Variants in WWOX observed in about 807,000 individuals in gnomAD.
WWOX encodes the protein WW domain-containing oxidoreductase.
Under a neutral mutation model 46.2 loss-of-function variants are expected in WWOX, and 69 were observed. The observed-to-expected ratio is 1.49, with a 90% CI of 1.23 to 1.82. WWOX has a LOEUF of 1.82. Ranked by LOEUF, WWOX falls within the 40% of genes most tolerant of loss-of-function variation. WWOX has a pLI of 0.00. For missense variants in WWOX, 919 were observed against 542.6 expected, an observed-to-expected ratio of 1.69 and a Z score of -6.89; for synonymous variants, 359 against 202.6, an observed-to-expected ratio of 1.77 and a Z score of -6.56.
At chr16:78,860,690 G>A (rs777803383) in intron 8 of WWOX, among the ~76,000 whole-genome samples, 31 of 152,332 alleles carry the variant, frequency 2.0e-4, no homozygotes, top group African/African-American at 5.8e-4. Flanking sequence ...TGTTCTTCCT[G>A]TTAGCAGTGC....
intron 8 of WWOX, among the ~76,000 whole-genome samples, chr16:78,670,874 G>C (rs181382389): frequency 2.6e-4 from 39 of 152,048 alleles, no homozygotes; most frequent in Admixed American, 4.6e-4. Flanking sequence ...GATCGTACTG[G>C]TTTAGGGTGG....
At chr16:78,480,973 A>G (rs1158637844) in intron 8 of WWOX, among the ~76,000 whole-genome samples, 3 of 152,228 alleles carry the variant, frequency 2.0e-5, no homozygotes, top group Non-Finnish European at 2.9e-5. Flanking sequence ...AAAGAGCAGG[A>G]TTGGTACTTC....
rs1308712753 is a variant in WWOX at position 78,287,789 on chromosome 16, A to C, written c.517-99071A>C. Among the ~76,000 whole-genome samples the C allele has an allele frequency of 2.6e-5, 4 of 152,128 alleles. No homozygotes were observed. The South Asian group carries it at 8.3e-4, about 32-fold the overall frequency. On this transcript the variant is annotated intron_variant, in intron 5 of 8. Coordinates refer to ENST00000566780, the MANE Select transcript of WWOX (RefSeq NM_016373.4). ...CACTAGGCTTCTAATTTTTTTTCCT[A>C]AACTTAAAAAAATTTTTTTAAGATC...
chr16:78,357,285 T>C (rs1158517506), intron 5 of WWOX, among the ~76,000 whole-genome samples: 1 of 152,166 alleles, frequency 6.6e-6, no homozygotes, highest in Non-Finnish European at 1.5e-5. Context: ...CTAGGTTCTG[T>C]TGAGACCTGA....
At chr16:78,513,536 T>A (rs529307298) in intron 8 of WWOX, among the ~76,000 whole-genome samples, 1 of 152,310 alleles carries the variant, frequency 6.6e-6, no homozygotes, top group East Asian at 1.9e-4. Context: ...CCACCTTGGG[T>A]TCAATTCAAC....
chr16:79,075,861 T>C (rs1010116721), intron 8 of WWOX, among the ~76,000 whole-genome samples: 44 of 152,302 alleles, frequency 2.9e-4, no homozygotes, highest in Middle Eastern at 3.4e-3. Context: ...AAAAAACATA[T>C]TAAGTTATTT....
At chr16:78,162,631 C>T (rs746750659) in intron 4 of WWOX, among the ~76,000 whole-genome samples, 9 of 151,872 alleles carry the variant, frequency 5.9e-5, no homozygotes, top group Non-Finnish European at 1.2e-4. Flanking sequence ...TTTTTTTGGC[C>T]GTGTATGCGT....
At chr16:78,847,930 C>G (rs563183054) in intron 8 of WWOX, among the ~76,000 whole-genome samples, 2 of 152,264 alleles carry the variant, frequency 1.3e-5, no homozygotes, top group East Asian at 3.9e-4. Flanking sequence ...AACCCTGTGA[C>G]CACTGCACGA....
At chr16:78,478,375 T>C (rs933334093) in intron 8 of WWOX, among the ~76,000 whole-genome samples, 3 of 152,212 alleles carry the variant, frequency 2.0e-5, no homozygotes, top group African/African-American at 7.2e-5. Context: ...TCATTTGATC[T>C]GGTTCTTCCT....
intron 5 of WWOX, among the ~76,000 whole-genome samples, chr16:78,178,247 C>A (rs1297014234): frequency 6.6e-5 from 10 of 152,218 alleles, no homozygotes; most frequent in Admixed American, 6.5e-4. Context: ...CCCGTCCCAG[C>A]ACTTCTGTGC....
intron 8 of WWOX, among the ~76,000 whole-genome samples, chr16:79,136,847 A>G (rs941138569): frequency 6.6e-6 from 1 of 152,222 alleles, no homozygotes; most frequent in African/African-American, 2.4e-5. Context: ...TTTCCAGAAT[A>G]TGTGTAATCA....
intron 5 of WWOX, among the ~76,000 whole-genome samples, chr16:78,333,862 T>C (rs981588136): frequency 3.9e-5 from 6 of 152,228 alleles, no homozygotes; most frequent in Non-Finnish European, 8.8e-5. Context: ...AAGGTACTGT[T>C]AAAAAGAAAA....
intron 8 of WWOX, among the ~76,000 whole-genome samples, chr16:78,440,879 A>G (rs921008147): frequency 6.6e-6 from 1 of 152,044 alleles, no homozygotes; most frequent in Non-Finnish European, 1.5e-5. Context: ...TTGGCCTTCC[A>G]AAGTGTGGTG....
intron 8 of WWOX, among the ~76,000 whole-genome samples, chr16:78,550,410 T>G (rs2044146341): frequency 6.6e-6 from 1 of 152,234 alleles, no homozygotes; most frequent in Admixed American, 6.5e-5. Flanking sequence ...TGGGCATGGT[T>G]GTGTGACAAT....
intron 8 of WWOX, among the ~76,000 whole-genome samples, chr16:79,034,873 C>G (rs914821592): frequency 1.3e-5 from 2 of 152,052 alleles, no homozygotes; most frequent in Non-Finnish European, 1.5e-5. Flanking sequence ...TAAATTATTA[C>G]TTTAAAAATA....
At chr16:79,015,060 C>T (rs1449045426) in intron 8 of WWOX, among the ~76,000 whole-genome samples, 1 of 152,180 alleles carries the variant, frequency 6.6e-6, no homozygotes, top group Non-Finnish European at 1.5e-5. Context: ...CTCCTGCTGT[C>T]ATCCTGAACC....
intron 8 of WWOX, among the ~76,000 whole-genome samples, chr16:79,142,799 A>C (rs1192974294): frequency 6.6e-6 from 1 of 152,260 alleles, no homozygotes; most frequent in Admixed American, 6.5e-5. Context: ...CCCAGGCCCA[A>C]CTGATCCTCC....
chr16:78,699,049 G>A (rs1255922471), intron 8 of WWOX, among the ~76,000 whole-genome samples: 1 of 152,150 alleles, frequency 6.6e-6, no homozygotes. Context: ...TAGCTTTGCA[G>A]TTCAGATGGT....
chr16:79,090,655 G>A (rs1397013994), intron 8 of WWOX, among the ~76,000 whole-genome samples: 3 of 152,178 alleles, frequency 2.0e-5, no homozygotes, highest in Non-Finnish European at 1.5e-5. Context: ...TGTCCGAAGA[G>A]GTGCAGGGTG....
Sources: allele counts gnomAD v4.1 joint callset (sites outside exome capture counted in the v4.1 genomes callset), GRCh38; gene constraint gnomAD v4.1.1; transcripts MANE v1.5; gene names NCBI Gene and HGNC (gene_info 2026-07-23, HGNC 2026-07-21).